Variants in SLC25A48 observed in about 807,000 individuals in gnomAD.
The protein encoded by SLC25A48 is CTC-321K16.1.
In SLC25A48, 29 loss-of-function variants were observed where a neutral mutation model predicts 32.2. The observed-to-expected ratio is 0.90, with a 90% CI of 0.67 to 1.23. SLC25A48 has a LOEUF of 1.23. Ranked by LOEUF, SLC25A48 falls within the 50% of genes most tolerant of loss-of-function variation. SLC25A48 has a pLI of 0.00. For missense variants in SLC25A48, 399 were observed against 422.7 expected (o/e 0.94, Z 0.49); for synonymous variants, 164 against 172.3 (o/e 0.95, Z 0.38).
intron 2 of SLC25A48, among the ~76,000 whole-genome samples, chr5:135,845,720 G>A (rs1580973367): frequency 2.0e-5 from 3 of 152,332 alleles, no homozygotes; most frequent in East Asian, 1.9e-4. Context: ...AGCAATGAGC[G>A]AGATGATGCT....
intron 6 of SLC25A48, among the ~76,000 whole-genome samples, chr5:135,877,407 G>T (rs1329563415): frequency 6.6e-6 from 1 of 152,008 alleles, no homozygotes. Flanking sequence ...GAGGCACCAG[G>T]GCCAGCTGCC....
intron 1 of SLC25A48, among the ~76,000 whole-genome samples, chr5:135,594,401 G>A (rs1751599216): frequency 6.6e-6 from 1 of 152,198 alleles, no homozygotes; most frequent in African/African-American, 2.4e-5. Flanking sequence ...TGATGTGGTG[G>A]AAAGTCTAGG....
chr5:135,581,097 T>C (rs1561743849), intron 1 of SLC25A48, among the ~76,000 whole-genome samples: 1 of 152,222 alleles, frequency 6.6e-6, no homozygotes, highest in Non-Finnish European at 1.5e-5. Context: ...GATAATAATA[T>C]GTACAGCATA....
intron 3 of SLC25A48, among the ~76,000 whole-genome samples, chr5:135,744,302 G>A (rs1336683894): frequency 2.6e-5 from 4 of 152,112 alleles, no homozygotes; most frequent in Non-Finnish European, 5.9e-5. Flanking sequence ...TCCACTGGTA[G>A]AGATGGTTCA....
intron 3 of SLC25A48, among the ~76,000 whole-genome samples, chr5:135,796,972 G>C (rs1047237654): frequency 6.6e-6 from 1 of 151,662 alleles, no homozygotes; most frequent in Non-Finnish European, 1.5e-5. Context: ...CCAATATCAA[G>C]GGTGGTTTTC....
chr5:135,874,084 G>A lies in SLC25A48; in HGVS notation c.743G>A (p.Gly248Glu), dbSNP rs1761868588. 1 of 1,526,000 alleles carries A rather than the reference G, an allele frequency of 6.6e-7. No homozygotes were observed. The highest frequency in any genetic ancestry group is 1.4e-5 in the African/African-American group (1 of 72,172). The allele number at this position is 1,526,000 out of a possible 1,614,324, so 94.5% of individuals were successfully genotyped here. The change falls in exon 6 of 8, where the codon GGG becomes GAG. Residue 248 changes from glycine (G) to glutamate (E), a missense_variant. Coordinates refer to ENST00000681962, the MANE Select transcript of SLC25A48 (RefSeq NM_001349336.2). ...GTGAAAAGTCGACTCCAAGCTGATG[G>A]GGTTTATTTAAACAAATATAAAGGT... The part of the protein sequence containing the change: ...DVVKSRLQAD[G>E]VYLNKYKGVL...
chr5:135,856,394 G>T (rs564547897), intron 4 of SLC25A48, among the ~76,000 whole-genome samples: 2 of 152,284 alleles, frequency 1.3e-5, no homozygotes, highest in African/African-American at 2.4e-5. Flanking sequence ...GCCCAGGGAG[G>T]CTGGGTTTCA....
intron 3 of SLC25A48, among the ~76,000 whole-genome samples, chr5:135,769,159 C>T (rs1030621635): frequency 6.7e-6 from 1 of 148,804 alleles, no homozygotes; most frequent in Admixed American, 6.9e-5. Flanking sequence ...GGGTGTACAC[C>T]CCCCTGTGAT....
intron 1 of SLC25A48, among the ~76,000 whole-genome samples, chr5:135,607,253 T>C (rs1300620793): frequency 6.6e-6 from 1 of 152,208 alleles, no homozygotes; most frequent in Non-Finnish European, 1.5e-5. Context: ...ATAGCAAAAA[T>C]AGTGGACATC....
upstream of SLC25A48, among the ~76,000 whole-genome samples, chr5:135,831,207 C>T (rs1451432057): frequency 6.6e-6 from 1 of 152,164 alleles, no homozygotes; most frequent in East Asian, 1.9e-4. Flanking sequence ...GGAGTCCTCA[C>T]ACCTGGGAAT....
At chr5:135,833,780 G>A (rs11242301), upstream of SLC25A48, among the ~76,000 whole-genome samples, 20,707 of 152,220 alleles carry the variant, frequency 0.14, 1,859 homozygotes, top group Non-Finnish European at 0.2. Context: ...CAGTGGACAG[G>A]CCTTTGTAGG....
chr5:135,679,713 G>A (rs1753849176), intron 3 of SLC25A48, among the ~76,000 whole-genome samples: 1 of 152,182 alleles, frequency 6.6e-6, no homozygotes, highest in Admixed American at 6.5e-5. Context: ...CTGAGGTGGT[G>A]GCTGTGGGCT....
At chr5:135,830,323 G>A (rs1758170923), upstream of SLC25A48, among the ~76,000 whole-genome samples, 1 of 152,172 alleles carries the variant, frequency 6.6e-6, no homozygotes, top group South Asian at 2.1e-4. Context: ...TGATATCCCC[G>A]TGGCCAAGAA....
chr5:135,651,492 T>C (rs1753112528), intron 3 of SLC25A48, among the ~76,000 whole-genome samples: 1 of 152,134 alleles, frequency 6.6e-6, no homozygotes, highest in Non-Finnish European at 1.5e-5. Context: ...CCTTCATTAG[T>C]TTTTTCTCAT....
chr5:135,882,748 G>A lies in SLC25A48; in HGVS notation c.*7+2651G>A, dbSNP rs138830196. 5.3e-5 allele frequency among the ~76,000 whole-genome samples: 8 copies of A among 152,186 alleles called. No individual in the cohort carries two copies. In the East Asian group the frequency reaches 1.5e-3, roughly 29 times the overall value. ...GAATCCAACTCTGCCATCCCTACCTGTCCAAGACCAGCCCCCAGAGCTCCC... is the reference window on the plus strand; with the variant it reads ...GAATCCAACTCTGCCATCCCTACCTATCCAAGACCAGCCCCCAGAGCTCCC... On this transcript the variant is annotated intron_variant, in intron 7 of 7. Transcript: ENST00000681962.
intron 1 of SLC25A48, among the ~76,000 whole-genome samples, chr5:135,614,409 T>G (rs1752140958): frequency 6.6e-6 from 1 of 152,204 alleles, no homozygotes; most frequent in Admixed American, 6.5e-5. Flanking sequence ...CTTTTATTTC[T>G]TTCTCTTGCC....
intron 7 of SLC25A48, among the ~76,000 whole-genome samples, chr5:135,886,698 GA>G (rs1762751048): frequency 7.0e-6 from 1 of 143,422 alleles, no homozygotes. Flanking sequence ...GAGAGAGAGA[GA>G]GAGTGTGTGT....
intron 2 of SLC25A48, among the ~76,000 whole-genome samples, chr5:135,845,540 G>A (rs1759336382): frequency 6.6e-6 from 1 of 152,144 alleles, no homozygotes; most frequent in African/African-American, 2.4e-5. Context: ...AAAGGGCCAG[G>A]CAAGTCTGAA....
chr5:135,800,641 G>A lies in SLC25A48; in HGVS notation c.-520-11882G>A, dbSNP rs1757297606. On this transcript the variant is annotated intron_variant, in intron 3 of 10. Transcript: ENST00000646290. ...GTGATGTTGTTTCTAATATCCAGAG[G>A]GGAGAATATATTACTTCCAATATCG... 1.3e-5 allele frequency among the ~76,000 whole-genome samples: 2 copies of A among 151,822 alleles called. 1 individual carries two copies. The highest frequency in any genetic ancestry group is 1.3e-4 in the Admixed American group (2 of 15,218).
Sources: allele counts gnomAD v4.1 joint callset (sites outside exome capture counted in the v4.1 genomes callset), GRCh38; gene constraint gnomAD v4.1.1; transcripts MANE v1.5; gene names NCBI Gene and HGNC (gene_info 2026-07-23, HGNC 2026-07-21).